Variants in ZC3H12B observed in about 807,000 individuals in gnomAD.
The protein encoded by ZC3H12B is zinc finger CCCH-type containing 12B.
Under a neutral mutation model 43.9 loss-of-function variants are expected in ZC3H12B, and 7 were observed. That is an observed-to-expected ratio of 0.16 (90% CI 0.09 to 0.30). The LOEUF (loss-of-function observed/expected upper bound fraction) is 0.30. Ranked by LOEUF, ZC3H12B falls within the 10% of genes least tolerant of loss-of-function variation. The pLI is 1.00. For synonymous variants in ZC3H12B, 222 were observed against 241.7 expected (o/e 0.92, Z 0.76); for missense variants, 475 against 670.2 (o/e 0.71, Z 3.22).
the ZC3H12B span, among the ~76,000 whole-genome samples, chrX:65,294,991 G>GA: frequency 1.5e-3 from 153 of 102,458 alleles, no homozygotes; most frequent in East Asian, 0.012. Flanking sequence ...CTATATCCTA[G>GA]AAAAAAAAAA....
the ZC3H12B span, among the ~76,000 whole-genome samples, chrX:65,156,769 A>G: frequency 9.1e-6 from 1 of 110,270 alleles, no homozygotes; most frequent in Non-Finnish European, 1.9e-5. Flanking sequence ...TCCCACCTCA[A>G]ACTCCCAGAA....
At chrX:65,386,482 C>A (rs953941625) in intron 2 of ZC3H12B, among the ~76,000 whole-genome samples, 1 of 111,786 alleles carries the variant, frequency 8.9e-6, no homozygotes, top group Non-Finnish European at 1.9e-5. Context: ...TCTGTGGTAT[C>A]AGTGGTGATA....
At chrX:65,394,085 T>C (rs745931062) in intron 2 of ZC3H12B, among the ~76,000 whole-genome samples, 2 of 112,499 alleles carry the variant, frequency 1.8e-5, no homozygotes, top group South Asian at 7.3e-4. Context: ...AAGTTCCTTA[T>C]CAATTCCAGA....
intron 2 of ZC3H12B, among the ~76,000 whole-genome samples, chrX:65,377,609 G>T (rs1354657769): frequency 6.3e-5 from 7 of 110,832 alleles, no homozygotes; most frequent in Non-Finnish European, 9.4e-5. Context: ...ACAAAAGAGT[G>T]ACATGACATA....
At chrX:65,186,765 A>G in the ZC3H12B span, among the ~76,000 whole-genome samples, 1,557 of 111,167 alleles carry the variant, frequency 0.014, 13 homozygotes, top group Non-Finnish European at 0.019. Context: ...GCTCCCACAT[A>G]TGAGTGAGAA....
the ZC3H12B span, among the ~76,000 whole-genome samples, chrX:65,259,372 GA>G: frequency 7.0e-4 from 78 of 112,085 alleles, 2 homozygotes; most frequent in East Asian, 0.018. Context: ...GCAGAAGATT[GA>G]AACTAGATTT....
Position 65,403,408 on chromosome X carries a change from T to G in ZC3H12B, n.407+4704T>G, listed in dbSNP as rs1198665248. The stretch of plus-strand genomic sequence containing the variant: ...GAGGAAGAGATAGGGGTACAAAGTT[T>G]ATTCAACAGGATAATAAAAGAGATA... On this transcript the variant is annotated intron_variant and non_coding_transcript_variant, in intron 3 of 5. Coordinates refer to the ZC3H12B transcript ENST00000617377. Among the ~76,000 whole-genome samples, 3 of 111,850 alleles carry G rather than the reference T, an allele frequency of 2.7e-5. No individual in the cohort carries two copies. In the East Asian group the frequency reaches 8.4e-4, roughly 31 times the overall value.
Position 65,406,762 on chromosome X carries a change from GC to G in ZC3H12B, n.407+8059del, listed in dbSNP as rs36077221. 6.0e-3 allele frequency among the ~76,000 whole-genome samples: 678 copies of G among 112,412 alleles called. 4 individuals carry two copies. The highest frequency in any genetic ancestry group is 0.011 in the Non-Finnish European group (563 of 52,974). On this transcript the variant is annotated intron_variant and non_coding_transcript_variant, in intron 3 of 5. Transcript: ENST00000617377. ...AGGAGCAGCAGCAGCAGAAGCAGCG[GC>G]GGGTACTCTGTGCTCTGCGTCCCGG...
At chrX:65,116,815 G>C in the ZC3H12B span, among the ~76,000 whole-genome samples, 3 of 110,760 alleles carry the variant, frequency 2.7e-5, no homozygotes, top group African/African-American at 9.9e-5. Context: ...TGCAGTGTTT[G>C]GTTTTCTGTT....
the ZC3H12B span, among the ~76,000 whole-genome samples, chrX:65,073,023 C>T: frequency 3.6e-5 from 4 of 112,216 alleles, no homozygotes; most frequent in Non-Finnish European, 7.5e-5. Flanking sequence ...GTTTTCTGAG[C>T]CTAGTTTCAC....
At chrX:65,325,108 C>T in the ZC3H12B span, among the ~76,000 whole-genome samples, 3 of 110,382 alleles carry the variant, frequency 2.7e-5, no homozygotes, top group South Asian at 7.5e-4. Flanking sequence ...TATTTCTACC[C>T]CAAATCTCTT....
the ZC3H12B span, among the ~76,000 whole-genome samples, chrX:65,278,186 G>A: frequency 4.5e-5 from 5 of 111,541 alleles, no homozygotes; most frequent in Admixed American, 9.5e-5. Context: ...TAGAGGAAAT[G>A]GATAAACTCC....
At chrX:65,083,445 A>G in the ZC3H12B span, among the ~76,000 whole-genome samples, 1 of 112,289 alleles carries the variant, frequency 8.9e-6, no homozygotes, top group South Asian at 3.7e-4. Context: ...AACATTCAGT[A>G]GCATTTCTAT....
At chrX:65,309,494 G>A in the ZC3H12B span, among the ~76,000 whole-genome samples, 1 of 111,907 alleles carries the variant, frequency 8.9e-6, no homozygotes, top group East Asian at 2.8e-4. Flanking sequence ...TGAAATTCAG[G>A]CAATAATTAA....
intron 3 of ZC3H12B, among the ~76,000 whole-genome samples, chrX:65,431,716 T>G (rs1175942862): frequency 8.9e-6 from 1 of 112,414 alleles, no homozygotes; most frequent in Non-Finnish European, 1.9e-5. Flanking sequence ...CCCACATTTC[T>G]TTGTCACCAA....
chrX:65,444,894 A>G (rs755954294), intron 3 of ZC3H12B, among the ~76,000 whole-genome samples: 1 of 111,700 alleles, frequency 9.0e-6, no homozygotes, highest in South Asian at 3.8e-4. Context: ...TGTTTTTGTT[A>G]GTATTTTTAT....
At chrX:65,386,954 T>G (rs1289757129) in intron 2 of ZC3H12B, among the ~76,000 whole-genome samples, 1 of 111,894 alleles carries the variant, frequency 8.9e-6, no homozygotes, top group Non-Finnish European at 1.9e-5. Flanking sequence ...AGTTGAGCGA[T>G]TTTGAGTGAG....
At chrX:65,041,138 A>G in the ZC3H12B span, among the ~76,000 whole-genome samples, 181 of 112,432 alleles carry the variant, frequency 1.6e-3, no homozygotes, top group Admixed American at 2.5e-3. Context: ...AAATTTGTTC[A>G]GCAAACTCTT....
chrX:65,373,597 T>C (rs1485723131), intron 2 of ZC3H12B, among the ~76,000 whole-genome samples: 2 of 107,084 alleles, frequency 1.9e-5, no homozygotes, highest in Non-Finnish European at 3.8e-5. Context: ...TGTAGGGACA[T>C]GGATGAAGCT....
Sources: allele counts gnomAD v4.1 joint callset (sites outside exome capture counted in the v4.1 genomes callset), GRCh38; gene constraint gnomAD v4.1.1; transcripts MANE v1.5; gene names NCBI Gene and HGNC (gene_info 2026-07-23, HGNC 2026-07-21).